Variants in KCNIP1 observed in about 807,000 individuals in gnomAD.
KCNIP1 encodes potassium voltage-gated channel interacting protein 1, also known as A-type potassium channel modulatory protein KCNIP1.
A neutral mutation model predicts 33.0 loss-of-function variants in KCNIP1; 18 were observed. That is an observed-to-expected ratio of 0.55 (90% CI 0.38 to 0.81). KCNIP1 has a LOEUF of 0.81. Among genes scored for constraint, KCNIP1 ranks in the 30% least tolerant of loss-of-function variants. The probability of loss-of-function intolerance (pLI) is 0.00; values close to 1 mark genes in which losing one functional copy is unlikely to be tolerated. For synonymous variants in KCNIP1, 93 were observed against 98.3 expected, an observed-to-expected ratio of 0.95 and a Z score of 0.32; for missense variants, 238 against 271.6, an observed-to-expected ratio of 0.88 and a Z score of 0.87.
chr5:170,447,624 GC>G (rs1264943850), intron 1 of KCNIP1, among the ~76,000 whole-genome samples: 3 of 152,104 alleles, frequency 2.0e-5, no homozygotes, highest in African/African-American at 7.2e-5. Flanking sequence ...CCAAATCAGT[GC>G]CAGCAGCCAA....
chr5:170,387,524 G>A (rs202162109), intron 1 of KCNIP1, among the ~76,000 whole-genome samples: 2 of 152,218 alleles, frequency 1.3e-5, no homozygotes, highest in East Asian at 3.9e-4. Flanking sequence ...CTCCCCTATC[G>A]ATCGGCAGAG....
chr5:170,539,127 T>C (rs1756101137), intron 1 of KCNIP1, among the ~76,000 whole-genome samples: 2 of 152,058 alleles, frequency 1.3e-5, no homozygotes, highest in Non-Finnish European at 2.9e-5. Context: ...CAAGCCAAAC[T>C]CATCTCTAGT....
intron 1 of KCNIP1, among the ~76,000 whole-genome samples, chr5:170,546,247 A>AG (rs1328822170): frequency 3.3e-5 from 5 of 152,172 alleles, no homozygotes; most frequent in Admixed American, 6.5e-5. Context: ...AAATATCTTG[A>AG]GGGGAAAAAC....
intron 1 of KCNIP1, among the ~76,000 whole-genome samples, chr5:170,444,935 C>T (rs931775235): frequency 2.0e-5 from 3 of 152,174 alleles, no homozygotes; most frequent in South Asian, 2.1e-4. Context: ...TGGGGCCACA[C>T]GGTGGGAAGC....
At chr5:170,441,367 C>T (rs1755983498) in intron 1 of KCNIP1, among the ~76,000 whole-genome samples, 1 of 152,140 alleles carries the variant, frequency 6.6e-6, no homozygotes, top group South Asian at 2.1e-4. Context: ...AAACGAGACC[C>T]CTGAGGGCAC....
chr5:170,487,431 C>A (rs923985523), intron 1 of KCNIP1, among the ~76,000 whole-genome samples: 3 of 152,080 alleles, frequency 2.0e-5, no homozygotes, highest in East Asian at 1.9e-4. Context: ...AATTCACATA[C>A]CGTAGCATAA....
intron 1 of KCNIP1, among the ~76,000 whole-genome samples, chr5:170,470,936 T>C (rs1756708784): frequency 6.6e-6 from 1 of 152,214 alleles, no homozygotes; most frequent in South Asian, 2.1e-4. Context: ...CAGATGGCAC[T>C]TTCCATTTGG....
At chr5:170,387,501 T>C (rs1181445557) in intron 1 of KCNIP1, among the ~76,000 whole-genome samples, 1 of 152,184 alleles carries the variant, frequency 6.6e-6, no homozygotes, top group African/African-American at 2.4e-5. Flanking sequence ...ACCTTCCCAG[T>C]GAGCTGGTCC....
chr5:170,447,103 T>C (rs76400776), intron 1 of KCNIP1, among the ~76,000 whole-genome samples: 2,063 of 152,294 alleles, frequency 0.014, 56 homozygotes, highest in African/African-American at 0.045. Flanking sequence ...GCCTCACTCA[T>C]AGAGTAGGAA....
intron 1 of KCNIP1, among the ~76,000 whole-genome samples, chr5:170,527,783 A>G (rs922807229): frequency 2.0e-5 from 3 of 150,764 alleles, no homozygotes; most frequent in African/African-American, 7.3e-5. Flanking sequence ...TCAAAACAAT[A>G]TATTTTCCTC....
chr5:170,496,424 A>G (rs1581242979), intron 1 of KCNIP1, among the ~76,000 whole-genome samples: 1 of 152,262 alleles, frequency 6.6e-6, no homozygotes. Flanking sequence ...TCCACCATCT[A>G]TTCACTGTGA....
intron 1 of KCNIP1, among the ~76,000 whole-genome samples, chr5:170,506,186 C>T (rs989095651): frequency 6.6e-6 from 1 of 152,114 alleles, no homozygotes; most frequent in African/African-American, 2.4e-5. Context: ...AGCTGGGTGT[C>T]ACAGAAAGAT....
chr5:170,686,510 C>T (rs1762540843), intron 1 of KCNIP1, among the ~76,000 whole-genome samples: 1 of 152,142 alleles, frequency 6.6e-6, no homozygotes, highest in Admixed American at 6.5e-5. Flanking sequence ...TAACAGTTTG[C>T]AAATTGCCAA....
chr5:170,598,904 C>CATGTGTGT (rs1758570183), intron 1 of KCNIP1, among the ~76,000 whole-genome samples: 1 of 133,776 alleles, frequency 7.5e-6, no homozygotes, highest in Non-Finnish European at 1.6e-5. Flanking sequence ...TGTGTGTGCG[C>CATGTGTGT]GTGTGTGTGT....
chr5:170,358,640 A>T (rs1000131082), intron 1 of KCNIP1, among the ~76,000 whole-genome samples: 9 of 152,254 alleles, frequency 5.9e-5, no homozygotes, highest in Non-Finnish European at 1.3e-4. Flanking sequence ...TGATGATATG[A>T]GTAAGAGATA....
At chr5:170,564,373 C>A (rs762309372) in intron 1 of KCNIP1, among the ~76,000 whole-genome samples, 5 of 152,156 alleles carry the variant, frequency 3.3e-5, no homozygotes, top group Non-Finnish European at 7.3e-5. Flanking sequence ...CTGACTACAA[C>A]ACTTATTTGC....
chr5:170,355,847 C>G (rs147266855), intron 1 of KCNIP1, among the ~76,000 whole-genome samples: 2 of 152,208 alleles, frequency 1.3e-5, no homozygotes, highest in Non-Finnish European at 2.9e-5. Context: ...TTCAGTACAG[C>G]CTTTCCTGTG....
intron 1 of KCNIP1, among the ~76,000 whole-genome samples, chr5:170,399,485 T>G (rs1392905149): frequency 6.6e-6 from 1 of 152,074 alleles, no homozygotes; most frequent in Non-Finnish European, 1.5e-5. Context: ...ATTTACAAAG[T>G]AATAGAGGTA....
At chr5:170,595,021 G>T (rs1383007194) in intron 1 of KCNIP1, among the ~76,000 whole-genome samples, 1 of 152,156 alleles carries the variant, frequency 6.6e-6, no homozygotes, top group Non-Finnish European at 1.5e-5. Context: ...ATCCAACTCA[G>T]TCAACACAGG....
Sources: gnomAD v4.1 joint callset for allele counts (sites outside exome capture counted in the v4.1 genomes callset) on GRCh38, gnomAD v4.1.1 for gene constraint, MANE v1.5 for transcripts, NCBI Gene and HGNC (gene_info 2026-07-23, HGNC 2026-07-21) for gene names.